Variants in DLG2 observed in about 807,000 individuals in gnomAD.
The protein encoded by DLG2 is discs large MAGUK scaffold protein 2.
DLG2 carries 45 observed loss-of-function variants against 132.5 expected under a neutral mutation model. The ratio of observed to expected loss-of-function variants is 0.34; its 90% CI spans 0.27 to 0.44. DLG2 has a LOEUF of 0.44. Among genes scored for constraint, DLG2 ranks in the 20% least tolerant of loss-of-function variants. The probability of loss-of-function intolerance (pLI) is 1.00; values close to 1 mark genes in which losing one functional copy is unlikely to be tolerated. For missense variants in DLG2, 1,045 were observed against 1,196.9 expected, an observed-to-expected ratio of 0.87 and a Z score of 1.87; for synonymous variants, 424 against 419.6, an observed-to-expected ratio of 1.01 and a Z score of -0.13.
At chr11:85,483,709 C>T (rs1031218103) in intron 3 of DLG2, among the ~76,000 whole-genome samples, 11 of 151,740 alleles carry the variant, frequency 7.2e-5, no homozygotes, top group African/African-American at 2.4e-4. Flanking sequence ...TTTGGGATGC[C>T]AAGGCAGGTA....
intron 8 of DLG2, among the ~76,000 whole-genome samples, chr11:84,165,084 G>A (rs1355823419): frequency 1.3e-5 from 2 of 152,144 alleles, no homozygotes; most frequent in Non-Finnish European, 2.9e-5. Context: ...TTGATGGATA[G>A]GAAGAGGACA....
At chr11:85,157,414 T>C (rs1027249273) in intron 4 of DLG2, among the ~76,000 whole-genome samples, 2 of 152,170 alleles carry the variant, frequency 1.3e-5, no homozygotes, top group African/African-American at 4.8e-5. Context: ...TGGAGAACAC[T>C]GATAGTCCTT....
At chr11:84,817,109 G>A (rs1330510564) in intron 6 of DLG2, among the ~76,000 whole-genome samples, 1 of 151,992 alleles carries the variant, frequency 6.6e-6, no homozygotes, top group Non-Finnish European at 1.5e-5. Flanking sequence ...GCTTAATGAA[G>A]TATGGAATCA....
At chr11:85,376,561 CTT>C (rs1302730485) in intron 3 of DLG2, among the ~76,000 whole-genome samples, 2 of 152,084 alleles carry the variant, frequency 1.3e-5, no homozygotes, top group Non-Finnish European at 2.9e-5. Flanking sequence ...TAGTAAAAAA[CTT>C]TTTAAAAAGA....
At chr11:84,740,352 C>A (rs2153822083) in intron 6 of DLG2, among the ~76,000 whole-genome samples, 1 of 152,224 alleles carries the variant, frequency 6.6e-6, no homozygotes, top group Admixed American at 6.5e-5. Context: ...GGCTCCATTG[C>A]CACTGGATAT....
rs186431783 is a variant in DLG2, at chr11:84,878,800, T to A, written c.357+232861A>T. Among the ~76,000 whole-genome samples the A allele has an allele frequency of 6.1e-4, 93 of 152,278 alleles. 2 individuals are homozygous for A. Among genetic ancestry groups the A allele is most frequent in the Non-Finnish European group, 4.1e-4 (28 of 68,012 alleles). On this transcript the variant is annotated intron_variant, in intron 6 of 27. Transcript: ENST00000376104. ...ATATAAGTGAGCTACAAGACAACATTTTCTGTATCAAATTAGAAGACAAGG... is the reference window on the plus strand; with the variant it reads ...ATATAAGTGAGCTACAAGACAACATATTCTGTATCAAATTAGAAGACAAGG...
chr11:85,236,590 G>A (rs1236469646), intron 4 of DLG2, among the ~76,000 whole-genome samples: 3 of 151,920 alleles, frequency 2.0e-5, no homozygotes, highest in African/African-American at 4.8e-5. Context: ...TGAGGTAATG[G>A]GGATTAGGGC....
At chr11:84,071,633 T>C (rs1403141913) in intron 10 of DLG2, among the ~76,000 whole-genome samples, 1 of 152,194 alleles carries the variant, frequency 6.6e-6, no homozygotes, top group Non-Finnish European at 1.5e-5. Flanking sequence ...TCTTCTTGCC[T>C]CCAGCTTTTT....
At chr11:85,401,078 G>A (rs568341619) in intron 3 of DLG2, among the ~76,000 whole-genome samples, 2 of 151,666 alleles carry the variant, frequency 1.3e-5, no homozygotes, top group Admixed American at 6.6e-5. Context: ...ACATTGATGT[G>A]AAAATCCTCT....
intron 14 of DLG2, among the ~76,000 whole-genome samples, chr11:83,942,345 A>AAT: frequency 6.6e-6 from 1 of 152,270 alleles, no homozygotes; most frequent in Non-Finnish European, 1.5e-5. Context: ...GAGTTAAAAT[A>AAT]ATATATATAC....
intron 3 of DLG2, among the ~76,000 whole-genome samples, chr11:85,318,984 T>C (rs897564147): frequency 1.3e-5 from 2 of 151,920 alleles, no homozygotes; most frequent in Admixed American, 6.6e-5. Flanking sequence ...TAAGCTTTAC[T>C]ATTATGTAGA....
chr11:84,758,108 C>T (rs1235881421), intron 6 of DLG2, among the ~76,000 whole-genome samples: 1 of 152,238 alleles, frequency 6.6e-6, no homozygotes, highest in Non-Finnish European at 1.5e-5. Context: ...GAACTTACTA[C>T]ACACAGAGGT....
At chr11:85,522,279 G>A (rs2074376991) in intron 3 of DLG2, among the ~76,000 whole-genome samples, 1 of 152,202 alleles carries the variant, frequency 6.6e-6, no homozygotes, top group Non-Finnish European at 1.5e-5. Flanking sequence ...TGGGTGCACA[G>A]AAGACAAGAA....
chr11:83,643,150 T>C (rs2067073207), intron 18 of DLG2, among the ~76,000 whole-genome samples: 1 of 152,006 alleles, frequency 6.6e-6, no homozygotes, highest in Non-Finnish European at 1.5e-5. Flanking sequence ...ACAAAAGTAA[T>C]TCATACCAAT....
At chr11:83,998,402 T>C (rs2154188557) in intron 11 of DLG2, among the ~76,000 whole-genome samples, 1 of 152,334 alleles carries the variant, frequency 6.6e-6, no homozygotes, top group Middle Eastern at 3.4e-3. Context: ...AGTGAGTAGA[T>C]AATCACACTT....
intron 7 of DLG2, among the ~76,000 whole-genome samples, chr11:84,272,953 C>A (rs920971951): frequency 6.6e-6 from 1 of 151,950 alleles, no homozygotes; most frequent in Non-Finnish European, 1.5e-5. Flanking sequence ...TCTTTCTCAC[C>A]GATTAATGCT....
chr11:84,927,178 G>A (rs2047487679), intron 6 of DLG2, among the ~76,000 whole-genome samples: 1 of 151,916 alleles, frequency 6.6e-6, no homozygotes, highest in Non-Finnish European at 1.5e-5. Flanking sequence ...ACTACAATTT[G>A]TTACAAATAC....
intron 3 of DLG2, among the ~76,000 whole-genome samples, chr11:85,493,201 T>C (rs1386436562): frequency 3.9e-5 from 6 of 152,194 alleles, no homozygotes; most frequent in Non-Finnish European, 8.8e-5. Context: ...AGGTGCAATG[T>C]ATTAGATTAA....
chr11:84,982,848 T>C (rs2154120499), intron 6 of DLG2, among the ~76,000 whole-genome samples: 1 of 152,188 alleles, frequency 6.6e-6, no homozygotes, highest in African/African-American at 2.4e-5. Context: ...ATCAGATCAA[T>C]TTATGCAGAA....
Sources: gnomAD v4.1 joint callset for allele counts (sites outside exome capture counted in the v4.1 genomes callset) on GRCh38, gnomAD v4.1.1 for gene constraint, MANE v1.5 for transcripts, NCBI Gene and HGNC (gene_info 2026-07-23, HGNC 2026-07-21) for gene names.